Variants in NTAN1 observed in about 807,000 individuals in gnomAD.
NTAN1 encodes N-terminal asparagine amidase.
NTAN1 carries 32 observed loss-of-function variants against 41.9 expected under a neutral mutation model. That is an observed-to-expected ratio of 0.76 (90% confidence interval 0.58 to 1.03). NTAN1 has a LOEUF of 1.03. Among genes scored for constraint, NTAN1 ranks in the 50% least tolerant of loss-of-function variants. The pLI, the probability that NTAN1 is intolerant of heterozygous loss-of-function variation, is 0.00. For synonymous variants in NTAN1, 140 were observed against 139.5 expected, an observed-to-expected ratio of 1.00 and a Z score of -0.03; for missense variants, 377 against 377.5, an observed-to-expected ratio of 1.00 and a Z score of 0.01.
In NTAN1 at chr16:15,055,954, C is replaced by G. The variant is rs1327269932; in HGVS notation, c.18G>C (p.Glu6Asp). MPLLV[E>D]GRRVRLPQSA... ...ACTGCGGCAGCCGCACTCGCCGCCC[C>G]TCGACGAGCAGCGGCATCGCGGAGG... The change falls in exon 1 of 10, where the codon GAG (glutamate) becomes GAC (aspartate). Residue 6 changes from glutamate to aspartate, a missense_variant. Glu to Asp is a conservative substitution (Grantham distance 45). Coordinates refer to ENST00000287706, the MANE Select transcript of NTAN1 (RefSeq NM_173474.4). The G allele has an allele frequency of 5.7e-6, 7 of 1,229,782 alleles. No homozygotes were observed. In the East Asian group the frequency reaches 9.5e-5, roughly 17 times the overall value. The allele number at this position is 1,229,782 out of a possible 1,614,324, so 76.2% of individuals were successfully genotyped here.
chr16:15,052,573 G>A (rs753373559), intron 1 of NTAN1, among the ~76,000 whole-genome samples: 5 of 152,194 alleles, frequency 3.3e-5, no homozygotes, highest in Admixed American at 6.5e-5. Context: ...ACTGGCTCAC[G>A]CCTGTAATCC....
Position 15,047,569 on chromosome 16 carries a change from A to C in NTAN1, c.251-19T>G. 7.1e-6 allele frequency: 11 copies of C among 1,557,694 alleles called. No individual in the cohort carries two copies. The highest frequency in any genetic ancestry group is 9.7e-6 in the Non-Finnish European group (11 of 1,128,506). ...CCATTACCTGAAGAACAAGGGTGAAAGGACTCAAGTTATTCCCTGATGCGA... is the reference window on the plus strand; with the variant it reads ...CCATTACCTGAAGAACAAGGGTGAACGGACTCAAGTTATTCCCTGATGCGA... On this transcript the variant is annotated intron_variant, in intron 3 of 9. Coordinates refer to ENST00000287706, the MANE Select transcript of NTAN1 (RefSeq NM_173474.4).
intron 4 of NTAN1, 82 bp from the exon 5 acceptor site, chr16:15,044,489 G>C: frequency 1.1e-6 from 1 of 909,672 alleles, no homozygotes; most frequent in South Asian, 1.4e-5. Context: ...TTCATTCTCA[G>C]TTTCCATGAA....
rs1316280719 is a variant in NTAN1, at chr16:15,038,492, C to G, written c.753+82G>C. ...CCCGCCAAAGGGAAAGCAGCTATGACCTGGTCTAAACCCTTTTTTTCTTAC... is the reference window on the plus strand; with the variant it reads ...CCCGCCAAAGGGAAAGCAGCTATGAGCTGGTCTAAACCCTTTTTTTCTTAC... On this transcript the variant is annotated intron_variant, in intron 9 of 9. Transcript: ENST00000287706. The G allele has an allele frequency of 5.0e-6, 4 of 801,424 alleles. No homozygotes were observed. In the East Asian group the frequency reaches 9.9e-5, roughly 20 times the overall value. The allele number at this position is 801,424 out of a possible 1,614,324, so 49.6% of individuals were successfully genotyped here.
rs540930706 is a variant in NTAN1, at chr16:15,047,162, T to C, written c.359+280A>G. ...CCACACCCGGGGGAGAGCAAAACGA[T>C]GTGAAAATCGCAACCTCGACGTTCC... On this transcript the variant is annotated intron_variant, in intron 4 of 9. Coordinates refer to ENST00000287706, the MANE Select transcript of NTAN1 (RefSeq NM_173474.4). 1.9e-5 allele frequency: 9 copies of C among 466,262 alleles called. No homozygotes were observed. The East Asian group carries it at 3.4e-4, about 18-fold the overall frequency. The allele number at this position is 466,262 out of a possible 1,614,324, so 28.9% of individuals were successfully genotyped here.
chr16:15,038,074 T>C lies in NTAN1; in HGVS notation c.890A>G (p.Asn297Ser). 1 of 1,600,022 alleles carries C rather than the reference T, an allele frequency of 6.2e-7. No homozygotes were observed. The highest frequency in any genetic ancestry group is 8.5e-7 in the Non-Finnish European group (1 of 1,170,352). The change falls in exon 10 of 10, where the codon AAT (asparagine) becomes AGT (serine). Residue 297 changes from asparagine (N) to serine (S), a missense_variant. Coordinates refer to ENST00000287706, the MANE Select transcript of NTAN1 (RefSeq NM_173474.4). ...SGNKALLYKK[N>S]EDGLWEKISS... ...GATCTTTTCCCACAAGCCATCTTCA[T>C]TTTTTTTGTAGAGTAGGGCTTTATT...
At chr16:15,043,953 AAG>A (rs1426098189) in intron 5 of NTAN1, among the ~76,000 whole-genome samples, 14 of 152,194 alleles carry the variant, frequency 9.2e-5, no homozygotes, top group Non-Finnish European at 1.6e-4. Flanking sequence ...ATCTCAAAAA[AAG>A]AAAAAAAAAG....
At chr16:15,053,320 T>C (rs890305103) in intron 1 of NTAN1, among the ~76,000 whole-genome samples, 1 of 152,214 alleles carries the variant, frequency 6.6e-6, no homozygotes, top group Non-Finnish European at 1.5e-5. Flanking sequence ...GCAGTAACTC[T>C]TGCTGTGGTG....
At chr16:15,050,675 C>T (rs1043794506) in intron 1 of NTAN1, among the ~76,000 whole-genome samples, 2 of 150,264 alleles carry the variant, frequency 1.3e-5, no homozygotes, top group African/African-American at 4.9e-5. Flanking sequence ...GAGGCTGCAG[C>T]GAGCCATGAT....
chr16:15,046,462 C>T (rs1467182413), intron 4 of NTAN1, among the ~76,000 whole-genome samples: 1 of 152,100 alleles, frequency 6.6e-6, no homozygotes, highest in East Asian at 1.9e-4. Context: ...TGTGCTCCAG[C>T]ACATCGAGCC....
intron 5 of NTAN1, 54 bp downstream of exon 5, chr16:15,044,273 AAGCAAAT>A: frequency 8.3e-7 from 1 of 1,199,472 alleles, no homozygotes; most frequent in East Asian, 2.4e-5. Flanking sequence ...TTTTTAACCC[AAGCAAAT>A]ATGGGTACAT....
intron 1 of NTAN1, among the ~76,000 whole-genome samples, chr16:15,054,549 G>A (rs2044424216): frequency 6.6e-6 from 1 of 152,204 alleles, no homozygotes; most frequent in African/African-American, 2.4e-5. Flanking sequence ...AGGATAAAGT[G>A]ACACGCCACC....
Position 15,037,926 on chromosome 16 carries a change from G to GGAGGCCTAAGACCCAACAGATGT in NTAN1, c.*82_*104dup. On this transcript the variant is annotated 3_prime_UTR_variant, in exon 10 of 10. Transcript: ENST00000287706. ...CATTTGAAAGACACTGAGGAGGGAA[G>GGAGGCCTAAGACCCAACAGATGT]GAGGCCTAAGACCCAACAGATGTAG... 1.5e-6 allele frequency: 1 copy of GGAGGCCTAAGACCCAACAGATGT among 684,914 alleles called. No individual in the cohort carries two copies. Among genetic ancestry groups the GGAGGCCTAAGACCCAACAGATGT allele is most frequent in the Non-Finnish European group, 2.5e-6 (1 of 401,660 alleles). 42.4% of individuals were successfully genotyped at this position (684,914 alleles called of 1,614,324 possible). A position where few individuals can be genotyped will look rare whatever the true frequency, so the allele number is the denominator to read the frequency against.
chr16:15,044,583 G>A (rs776684349), intron 4 of NTAN1, 176 bp from the exon 5 acceptor site: 38 of 606,126 alleles, frequency 6.3e-5, no homozygotes, highest in Non-Finnish European at 9.7e-5. Flanking sequence ...GGCCAGTGGC[G>A]AGCTTCTGGG....
intron 1 of NTAN1, among the ~76,000 whole-genome samples, chr16:15,053,142 C>G (rs2044361382): frequency 6.6e-6 from 1 of 152,194 alleles, no homozygotes; most frequent in Admixed American, 6.5e-5. Context: ...AAGTTAAATC[C>G]TAAGTAACCA....
chr16:15,041,735 C>A, intron 5 of NTAN1, 59 bp from the exon 6 acceptor site: 1 of 1,287,284 alleles, frequency 7.8e-7, no homozygotes, highest in African/African-American at 1.5e-5. Context: ...CCAGAACAAA[C>A]TGCTGAGCAA....
At chr16:15,055,100 T>C (rs980955743) in intron 1 of NTAN1, among the ~76,000 whole-genome samples, 1 of 152,156 alleles carries the variant, frequency 6.6e-6, no homozygotes, top group Non-Finnish European at 1.5e-5. Context: ...GGGCTCGATA[T>C]TTGACTCTCA....
At chr16:15,039,937 T>TA (rs397765660) in intron 8 of NTAN1, 32 bp downstream of exon 8, 2 of 1,267,728 alleles carry the variant, frequency 1.6e-6, no homozygotes, top group Non-Finnish European at 2.3e-6. Context: ...TTTTTTTTTT[T>TA]AACCCCTTAA....
In NTAN1 at chr16:15,047,499, T is replaced by G. The variant is rs2044123092; in HGVS notation, c.302A>C (p.Glu101Ala). Residue 101 changes from glutamate to alanine, a missense_variant, in exon 4 of 10, where the codon GAG becomes GCG. Glu to Ala is a moderately radical substitution (Grantham distance 107). Coordinates refer to ENST00000287706, the MANE Select transcript of NTAN1 (RefSeq NM_173474.4). ...THCDGTDTKAEVPLIMNSIKS... is the reference protein window; with the variant it reads ...THCDGTDTKAAVPLIMNSIKS... The stretch of plus-strand genomic sequence containing the variant: ...TATGGAGTTCATGATCAAGGGGACC[T>G]CAGCTTTGGTGTCGGTTCCGTCACA... The G allele has an allele frequency of 6.2e-7, 1 of 1,614,100 alleles. No homozygotes were observed. The highest frequency in any genetic ancestry group is 8.5e-7 in the Non-Finnish European group (1 of 1,179,940).
Sources: gnomAD v4.1 joint callset for allele counts (sites outside exome capture counted in the v4.1 genomes callset) on GRCh38, gnomAD v4.1.1 for gene constraint, MANE v1.5 for transcripts, NCBI Gene and HGNC (gene_info 2026-07-23, HGNC 2026-07-21) for gene names.